The following TRPC3 variants were observed in gnomAD, a reference collection of about 807,000 sequenced individuals.
The protein encoded by TRPC3 is short transient receptor potential channel 3.
A neutral mutation model predicts 90.9 loss-of-function variants in TRPC3; 54 were observed. The ratio of observed to expected loss-of-function variants is 0.59; its 90% confidence interval spans 0.48 to 0.75. TRPC3 has a LOEUF of 0.75. TRPC3 is among the 30% of genes least tolerant of loss of function. The pLI is 0.00. For synonymous variants in TRPC3, 424 were observed against 450.9 expected (o/e 0.94, Z 0.75); for missense variants, 918 against 1,194.5 (o/e 0.77, Z 3.41).
chr4:121,892,083 G>A (rs1728349377), intron 10 of TRPC3, among the ~76,000 whole-genome samples: 1 of 152,178 alleles, frequency 6.6e-6, no homozygotes, highest in South Asian at 2.1e-4. Flanking sequence ...ACAAGCAGGA[G>A]CTGGGAGAGG....
intron 2 of TRPC3, among the ~76,000 whole-genome samples, chr4:121,930,393 T>C (rs1173014485): frequency 6.6e-6 from 1 of 152,176 alleles, no homozygotes; most frequent in African/African-American, 2.4e-5. Context: ...GCCTCTTTAT[T>C]TGTGATATTT....
rs967558840 is a variant in TRPC3 at position 121,951,659 on chromosome 4, A to C, written c.22T>G (p.Cys8Gly). 9 of 1,373,852 alleles carry C rather than the reference A, an allele frequency of 6.6e-6. No homozygotes were observed. The African/African-American group carries it at 1.2e-4, about 18-fold the overall frequency. The allele number at this position is 1,373,852 out of a possible 1,614,324, so 85.1% of individuals were successfully genotyped here. A position where few individuals can be genotyped will look rare whatever the true frequency, so the allele number is the denominator to read the frequency against. ...AAGGTCACCCTTGCTTGTTCTTTGC[A>C]CTTCCTGACCTTGGTGGACATCGCG... is the stretch of plus-strand genomic sequence containing the variant. Reference protein sequence around the residue: MSTKVRKCKEQARVTFPA... With the variant: MSTKVRKGKEQARVTFPA... Residue 8 changes from cysteine (C) to glycine (G), a missense_variant, in exon 1 of 12, where the codon TGC becomes GGC. Transcript: ENST00000379645. The surrounding 1 kb of genome is among the most constrained non-coding windows in gnomAD (Gnocchi z 4.4).
intron 6 of TRPC3, 141 bp from the exon 7 acceptor site, chr4:121,907,708 TC>T: frequency 1.1e-6 from 1 of 878,832 alleles, no homozygotes; most frequent in Non-Finnish European, 1.7e-6. Flanking sequence ...TAATTAACTG[TC>T]CAGGGACTAT....
At chr4:121,917,004 C>A (rs1729342463) in intron 3 of TRPC3, among the ~76,000 whole-genome samples, 2 of 152,150 alleles carry the variant, frequency 1.3e-5, no homozygotes, top group Non-Finnish European at 2.9e-5. Context: ...CATGAGCCAC[C>A]ACGCCTGGCC....
At chr4:121,895,395 A>T (rs995968789) in intron 10 of TRPC3, among the ~76,000 whole-genome samples, 2 of 152,234 alleles carry the variant, frequency 1.3e-5, no homozygotes, top group African/African-American at 4.8e-5. Flanking sequence ...AATCAACAAA[A>T]CAAAGTTTTT....
At position 121,932,917 on chromosome 4, in the gene TRPC3, TC is replaced by T; in HGVS notation, c.340del (p.Glu114SerfsTer25). The T allele has an allele frequency of 6.2e-7, 1 of 1,614,020 alleles. No individual in the cohort carries two copies. Among genetic ancestry groups the T allele is most frequent in the South Asian group, 1.1e-5 (1 of 91,062 alleles). On this transcript the variant is annotated frameshift_variant, in exon 2 of 12. Coordinates refer to ENST00000379645, the MANE Select transcript of TRPC3 (RefSeq NM_001130698.2). LOFTEE classifies it high-confidence loss of function. This position sits in a 1 kb window ranked among gnomAD's most constrained non-coding sequence, Gnocchi z 7.7. ...DRGTSLTAEE[E>X]RFLDAAEYGN... is the part of the protein sequence containing the mutation. ...GTACTCGGCGGCGTCGAGGAAGCGC[TC>T]CTCCTCGGCGGTGAGGCTGGTGCCG... is the stretch of plus-strand genomic sequence containing the variant.
At chr4:121,908,386 C>T (rs1728961277) in intron 6 of TRPC3, among the ~76,000 whole-genome samples, 1 of 152,074 alleles carries the variant, frequency 6.6e-6, no homozygotes. Flanking sequence ...GGTATATATC[C>T]AAATGAAAAC....
At chr4:121,903,258 C>T (rs1408210063) in intron 8 of TRPC3, among the ~76,000 whole-genome samples, 197 bp from the exon 9 acceptor site, 1 of 151,976 alleles carries the variant, frequency 6.6e-6, no homozygotes, top group African/African-American at 2.4e-5. Flanking sequence ...TTTTCATATG[C>T]CTCTACCTGT....
intron 1 of TRPC3, among the ~76,000 whole-genome samples, chr4:121,948,188 A>C (rs2390272): frequency 8.2e-6 from 1 of 122,626 alleles, no homozygotes; most frequent in Non-Finnish European, 1.8e-5. Context: ...AAAAAAAAAA[A>C]AAACAAAAAG....
Position 121,932,691 on chromosome 4 carries a change from G to A in TRPC3, c.567C>T (p.Arg189=). The change falls in exon 2 of 12, where the codon CGC becomes CGT. Residue 189 remains arginine, a synonymous_variant. Coordinates refer to ENST00000379645, the MANE Select transcript of TRPC3 (RefSeq NM_001130698.2). The surrounding 1 kb of genome is among the most constrained non-coding windows in gnomAD (Gnocchi z 7.7). ...LLLAISKGYV[R]IVEAILNHPG... ...GGTGGTTGAGGATGGCCTCTACGAT[G>A]CGCACGTAGCCCTTGCTGATGGCGA... 1 of 1,613,706 alleles carries A rather than the reference G, an allele frequency of 6.2e-7. No individual in the cohort carries two copies. The highest frequency in any genetic ancestry group is 1.7e-4 in the Middle Eastern group (1 of 6,060).
intron 3 of TRPC3, among the ~76,000 whole-genome samples, chr4:121,923,783 T>C (rs976830932): frequency 1.3e-5 from 2 of 152,232 alleles, no homozygotes; most frequent in African/African-American, 4.8e-5. Context: ...GCCTGTCCTC[T>C]TAAGCACCAT....
At chr4:121,943,798 A>G (rs1025436723) in intron 1 of TRPC3, among the ~76,000 whole-genome samples, 2 of 152,194 alleles carry the variant, frequency 1.3e-5, no homozygotes, top group Non-Finnish European at 2.9e-5. Context: ...AAAACAAGTC[A>G]CACATTTTCC....
intron 3 of TRPC3, among the ~76,000 whole-genome samples, chr4:121,921,660 TG>T (rs1729517415): frequency 6.6e-6 from 1 of 150,820 alleles, no homozygotes. Context: ...TATCAGGGGG[TG>T]GGGGAGTCCA....
chr4:121,932,520 G>T lies in TRPC3; in HGVS notation c.738C>A (p.Tyr246Ter), dbSNP rs1270222783. The T allele has an allele frequency of 6.2e-7, 1 of 1,614,218 alleles. No individual in the cohort carries two copies. ...TCATCAGCAGCATGTGCACCACTTC[G>T]TATTTCTGGCAGTGCGCCGCCAGGA... is the stretch of plus-strand genomic sequence containing the variant. ...PIILAAHCQK[Y>*]EVVHMLLMKG... The change falls in exon 2 of 12, where the codon TAC becomes TAA. Residue 246 changes from tyrosine (Y) to a stop codon, truncating the protein, a stop_gained. Transcript: ENST00000379645. LOFTEE classifies it high-confidence loss of function. This position sits in a 1 kb window ranked among gnomAD's most constrained non-coding sequence, Gnocchi z 7.7.
Position 121,925,799 on chromosome 4 carries a change from C to T in TRPC3, c.988-593G>A, listed in dbSNP as rs970745433. Reference sequence around the variant, plus strand: ...GAAGCATCCCATGGTACCCATGGTACCCCATAAATATATACAATAATTATT... The same window carrying T: ...GAAGCATCCCATGGTACCCATGGTATCCCATAAATATATACAATAATTATT... On this transcript the variant is annotated intron_variant, in intron 2 of 11. Transcript: ENST00000379645. Among the ~76,000 whole-genome samples the T allele has an allele frequency of 6.6e-5, 10 of 152,234 alleles. No individual in the cohort carries two copies. In the South Asian group the frequency reaches 1.2e-3, roughly 19 times the overall value.
chr4:121,927,655 A>G (rs1303475265), intron 2 of TRPC3, among the ~76,000 whole-genome samples: 2 of 151,602 alleles, frequency 1.3e-5, no homozygotes, highest in South Asian at 4.1e-4. Flanking sequence ...AAAATAAACA[A>G]GAAGAAGAGA....
At chr4:121,911,797 T>A in intron 5 of TRPC3, 80 bp downstream of exon 5, 1 of 1,342,512 alleles carries the variant, frequency 7.4e-7, no homozygotes, top group Non-Finnish European at 1.0e-6. Flanking sequence ...TATAATAACA[T>A]TTTTTTTCAA....
rs544981313 is a variant in TRPC3, at chr4:121,932,179, G to A, written c.987+92C>T. On this transcript the variant is annotated intron_variant, in intron 2 of 11. Transcript: ENST00000379645. This position sits in a 1 kb window ranked among gnomAD's most constrained non-coding sequence, Gnocchi z 7.7. ...GATTTCACATTCACTGGGCAAAACCGAATGTGGAGCGAACGGTGGCAGAGC... is the reference window on the plus strand; with the variant it reads ...GATTTCACATTCACTGGGCAAAACCAAATGTGGAGCGAACGGTGGCAGAGC... 2 of 1,539,536 alleles carry A rather than the reference G, an allele frequency of 1.3e-6. No individual in the cohort carries two copies. The highest frequency in any genetic ancestry group is 1.9e-5 in the Admixed American group (1 of 51,944).
At chr4:121,928,359 G>A (rs990615981) in intron 2 of TRPC3, among the ~76,000 whole-genome samples, 2 of 152,164 alleles carry the variant, frequency 1.3e-5, no homozygotes, top group Non-Finnish European at 2.9e-5. Context: ...CAGAGCTGGA[G>A]ATAATGGTGA....
Sources: gnomAD v4.1 joint callset for allele counts (sites outside exome capture counted in the v4.1 genomes callset) on GRCh38, gnomAD v4.1.1 for gene constraint, Gnocchi (gnomAD v3.1) non-coding constraint, MANE v1.5 for transcripts, NCBI Gene and HGNC (gene_info 2026-07-23, HGNC 2026-07-21) for gene names.